JAZF1: variants seen among roughly 807,000 people sequenced by gnomAD.
The protein encoded by JAZF1 is JAZF zinc finger 1, also known as juxtaposed with another zinc finger protein 1.
A neutral mutation model predicts 26.4 loss-of-function variants in JAZF1; 8 were observed. The ratio of observed to expected loss-of-function variants is 0.30; its 90% CI spans 0.18 to 0.55. The LOEUF (loss-of-function observed/expected upper bound fraction) is 0.55, where lower values mean the gene tolerates loss of function less well. JAZF1 is among the 20% of genes least tolerant of loss of function. JAZF1 has a pLI of 0.94. For missense variants in JAZF1, 199 were observed against 322.0 expected, an observed-to-expected ratio of 0.62 and a Z score of 2.92; for synonymous variants, 126 against 122.3, an observed-to-expected ratio of 1.03 and a Z score of -0.20.
intron 1 of JAZF1, among the ~76,000 whole-genome samples, chr7:28,135,912 C>A (rs923051372): frequency 1.3e-5 from 2 of 152,216 alleles, no homozygotes; most frequent in Non-Finnish European, 2.9e-5. Flanking sequence ...GTATTAGAGT[C>A]TTGTACTATT....
Position 28,001,401 on chromosome 7 carries a change from A to C in JAZF1, c.116-9420T>G, listed in dbSNP as rs1337728387. Among the ~76,000 whole-genome samples, 8 of 152,060 alleles carry C rather than the reference A, an allele frequency of 5.3e-5. No homozygotes were observed. The East Asian group carries it at 5.8e-4, about 11-fold the overall frequency. On this transcript the variant is annotated intron_variant, in intron 1 of 4. Coordinates refer to ENST00000283928, the MANE Select transcript of JAZF1 (RefSeq NM_175061.4). ...AAAACAAAAAACCTAAACAAAAAAA[A>C]CCAATAATCTAAGACAGACTACAAT... is the stretch of plus-strand genomic sequence containing the variant.
rs1166087970 is a variant in JAZF1, at chr7:28,151,081, AG to A, written c.115+29381del. Among the ~76,000 whole-genome samples, 5 of 145,424 alleles carry A rather than the reference AG, an allele frequency of 3.4e-5. No homozygotes were observed. The Admixed American group carries it at 3.6e-4, about 10-fold the overall frequency. On this transcript the variant is annotated intron_variant, in intron 1 of 4. Transcript: ENST00000283928. ...AATGTTAACAGCAGTAGCTCTTGGG[AG>A]GGGGGATTTTCGATATATATATATA... is the stretch of plus-strand genomic sequence containing the variant.
chr7:28,000,380 C>CATCT (rs1486346348), intron 1 of JAZF1, among the ~76,000 whole-genome samples: 2 of 152,124 alleles, frequency 1.3e-5, no homozygotes, highest in African/African-American at 4.8e-5. Flanking sequence ...AACAAAGAGT[C>CATCT]ATCTGGTCTA....
rs191529371 is a variant in JAZF1 at position 28,159,959 on chromosome 7, T to C, written c.115+20504A>G. On this transcript the variant is annotated intron_variant, in intron 1 of 4. Transcript: ENST00000283928. ...ATTAAAAAGTTGTTTTAGGTTAGATTGTGATAGTTTAAAAATGGCTACTTC... is the reference window on the plus strand; with the variant it reads ...ATTAAAAAGTTGTTTTAGGTTAGATCGTGATAGTTTAAAAATGGCTACTTC... Among the ~76,000 whole-genome samples the C allele has an allele frequency of 2.0e-5, 3 of 152,230 alleles. No individual in the cohort carries two copies. In the East Asian group the frequency reaches 5.8e-4, roughly 29 times the overall value.
intron 3 of JAZF1, among the ~76,000 whole-genome samples, chr7:27,868,116 G>A (rs986466481): frequency 6.6e-5 from 10 of 152,144 alleles, no homozygotes; most frequent in African/African-American, 1.9e-4. Flanking sequence ...ATACGACAAC[G>A]GTGCTTGGAT....
intron 2 of JAZF1, among the ~76,000 whole-genome samples, chr7:27,904,308 A>C (rs139683296): frequency 6.6e-6 from 1 of 152,314 alleles, no homozygotes; most frequent in East Asian, 1.9e-4. Flanking sequence ...ATCTGCTAAT[A>C]AATTCATGTG....
Position 27,831,398 on chromosome 7 carries a change from A to AT in JAZF1, c.*1401dup, listed in dbSNP as rs993716436. The AT allele has an allele frequency of 4.4e-6, 1 of 227,938 alleles. No homozygotes were observed. The highest frequency in any genetic ancestry group is 8.7e-6 in the Non-Finnish European group (1 of 114,518). 14.1% of individuals were successfully genotyped at this position (227,938 alleles called of 1,614,324 possible). On this transcript the variant is annotated 3_prime_UTR_variant, in exon 5 of 5. Coordinates refer to ENST00000283928, the MANE Select transcript of JAZF1 (RefSeq NM_175061.4). ...TATGGGCAGTTAGCTATCTCAAAGC[A>AT]TTTTTTATTGCATTATTAGGCAACT...
At chr7:28,122,890 A>G (rs574332333) in intron 1 of JAZF1, among the ~76,000 whole-genome samples, 317 of 152,298 alleles carry the variant, frequency 2.1e-3, no homozygotes, top group African/African-American at 7.5e-3. Flanking sequence ...TCCTTCACAT[A>G]AGTGACATTT....
At chr7:27,967,083 A>C (rs181394793) in intron 2 of JAZF1, among the ~76,000 whole-genome samples, 48 of 152,298 alleles carry the variant, frequency 3.2e-4, no homozygotes, top group Admixed American at 2.9e-3. Context: ...GCACATTTTT[A>C]TGCTTTTATT....
intron 2 of JAZF1, among the ~76,000 whole-genome samples, chr7:27,963,568 C>CT (rs1481483685): frequency 0.017 from 1,922 of 111,348 alleles, 76 homozygotes; most frequent in African/African-American, 0.065. Context: ...TCCCCCCCCC[C>CT]CTTTTTTTTT....
intron 2 of JAZF1, among the ~76,000 whole-genome samples, chr7:27,953,313 A>G (rs1186821741): frequency 6.6e-5 from 10 of 152,256 alleles, no homozygotes; most frequent in Admixed American, 6.5e-4. Context: ...GCCAAGAGGT[A>G]AAAATAGTCC....
At chr7:28,126,610 G>A (rs960864880) in intron 1 of JAZF1, among the ~76,000 whole-genome samples, 10 of 152,094 alleles carry the variant, frequency 6.6e-5, no homozygotes, top group African/African-American at 2.4e-4. Flanking sequence ...ACAGGAAGGG[G>A]AGCGGTGATG....
At chr7:27,892,694 T>A (rs2128341578) in intron 3 of JAZF1, among the ~76,000 whole-genome samples, 1 of 152,284 alleles carries the variant, frequency 6.6e-6, no homozygotes, top group South Asian at 2.1e-4. Flanking sequence ...TACAAAAAGA[T>A]CCTGGAAAGT....
intron 3 of JAZF1, among the ~76,000 whole-genome samples, chr7:27,886,158 C>A (rs748679493): frequency 2.0e-5 from 3 of 152,174 alleles, no homozygotes. Flanking sequence ...TTGTTCCTGG[C>A]CCTATCCTTA....
chr7:27,882,673 T>C (rs143743404), intron 3 of JAZF1, among the ~76,000 whole-genome samples: 90 of 152,304 alleles, frequency 5.9e-4, no homozygotes, highest in African/African-American at 2.1e-3. Context: ...TTTCTGCAGG[T>C]TCTTTAATGC....
intron 2 of JAZF1, among the ~76,000 whole-genome samples, chr7:27,897,743 G>A (rs1056781502): frequency 5.3e-5 from 8 of 152,200 alleles, no homozygotes; most frequent in African/African-American, 4.8e-5. Context: ...CCTATGGGGC[G>A]TGAGGCTCTT....
chr7:27,974,188 G>A (rs1010507687), intron 2 of JAZF1, among the ~76,000 whole-genome samples: 1 of 152,136 alleles, frequency 6.6e-6, no homozygotes. Context: ...CAAACCCACA[G>A]ATAGTGGGGT....
At chr7:28,154,439 C>T (rs1562605462) in intron 1 of JAZF1, among the ~76,000 whole-genome samples, 1 of 152,144 alleles carries the variant, frequency 6.6e-6, no homozygotes, top group Non-Finnish European at 1.5e-5. Flanking sequence ...TCTTCAAGAT[C>T]CTCTGGTCAA....
chr7:28,039,841 G>A (rs1278866674), intron 1 of JAZF1, among the ~76,000 whole-genome samples: 1 of 152,204 alleles, frequency 6.6e-6, no homozygotes, highest in Non-Finnish European at 1.5e-5. Flanking sequence ...CAGACGTGGG[G>A]AAAGGGTGGC....
Sources: allele counts gnomAD v4.1 joint callset (sites outside exome capture counted in the v4.1 genomes callset), GRCh38; gene constraint gnomAD v4.1.1; transcripts MANE v1.5; gene names NCBI Gene and HGNC (gene_info 2026-07-23, HGNC 2026-07-21).